The following FILIP1L variants were observed in gnomAD, a reference collection of about 807,000 sequenced individuals.
The protein encoded by FILIP1L is filamin A interacting protein 1 like.
Under a neutral mutation model 96.6 loss-of-function variants are expected in FILIP1L, and 55 were observed. The ratio of observed to expected loss-of-function variants is 0.57; its 90% CI spans 0.46 to 0.71. The LOEUF is 0.71. Among genes scored for constraint, FILIP1L ranks in the 30% least tolerant of loss-of-function variants. The probability of loss-of-function intolerance (pLI) is 0.00; values close to 1 mark genes in which losing one functional copy is unlikely to be tolerated. For missense variants in FILIP1L, 1,304 were observed against 1,321.2 expected, an observed-to-expected ratio of 0.99 and a Z score of 0.20; for synonymous variants, 467 against 473.9, an observed-to-expected ratio of 0.99 and a Z score of 0.19.
intron 1 of FILIP1L, among the ~76,000 whole-genome samples, chr3:99,972,997 G>C (rs1708866435): frequency 6.6e-6 from 1 of 152,180 alleles, no homozygotes; most frequent in Admixed American, 6.5e-5. Flanking sequence ...AAATAGGCCA[G>C]AGAATTTGGG....
chr3:99,940,263 G>A (rs914600847), intron 1 of FILIP1L, among the ~76,000 whole-genome samples: 5 of 152,166 alleles, frequency 3.3e-5, no homozygotes, highest in African/African-American at 1.2e-4. Context: ...GTCCAAGTTA[G>A]GTTTAAATGC....
At chr3:99,981,627 A>T (rs1198306697) in intron 1 of FILIP1L, among the ~76,000 whole-genome samples, 1 of 152,200 alleles carries the variant, frequency 6.6e-6, no homozygotes, top group African/African-American at 2.4e-5. Context: ...CCCGTTTTGC[A>T]AGTGGAAAAT....
chr3:99,961,810 G>T (rs1183110451), intron 1 of FILIP1L, among the ~76,000 whole-genome samples: 3 of 152,044 alleles, frequency 2.0e-5, no homozygotes, highest in Non-Finnish European at 4.4e-5. Flanking sequence ...AACATCTTTA[G>T]GTCTGCCAAC....
chr3:99,960,344 A>C (rs1047883665), intron 1 of FILIP1L, among the ~76,000 whole-genome samples: 10 of 152,182 alleles, frequency 6.6e-5, no homozygotes, highest in African/African-American at 2.2e-4. Flanking sequence ...CAAAAAGTTA[A>C]GTGGCAGAAC....
intron 1 of FILIP1L, among the ~76,000 whole-genome samples, chr3:100,063,381 T>C (rs1313764502): frequency 6.6e-6 from 1 of 152,214 alleles, no homozygotes; most frequent in African/African-American, 2.4e-5. Flanking sequence ...TTACTATATA[T>C]CTGAATTATT....
At position 99,977,903 on chromosome 3, in the gene FILIP1L, C is replaced by T. The variant is rs952960320; in HGVS notation, c.-10-46873G>A. 2.6e-5 allele frequency among the ~76,000 whole-genome samples: 4 copies of T among 152,026 alleles called. No individual in the cohort carries two copies. In the South Asian group the frequency reaches 6.2e-4, roughly 24 times the overall value. ...TCAAAGCACATAATATGCATATATA[C>T]ACCATTAACCTAAAAGAAAAAATTG... On this transcript the variant is annotated intron_variant, in intron 1 of 5. Transcript: ENST00000477258.
chr3:99,952,680 C>G (rs772738800), intron 1 of FILIP1L, among the ~76,000 whole-genome samples: 16 of 152,238 alleles, frequency 1.1e-4, no homozygotes, highest in Non-Finnish European at 2.1e-4. Flanking sequence ...TGAATTTCCT[C>G]TTTCTACCCT....
intron 1 of FILIP1L, among the ~76,000 whole-genome samples, chr3:100,054,539 T>TATGTTATGTTATGTC (rs1474837701): frequency 2.3e-4 from 29 of 125,782 alleles, no homozygotes; most frequent in South Asian, 1.3e-3. Flanking sequence ...TATGTTATGT[T>TATGTTATGTTATGTC]ATGTCATGTT....
Position 99,924,554 on chromosome 3 carries a change from C to T in FILIP1L, c.427-146G>A, listed in dbSNP as rs948407271. 32 of 799,864 alleles carry T rather than the reference C, an allele frequency of 4.0e-5. No individual in the cohort carries two copies. In the Admixed American group the frequency reaches 6.9e-4, roughly 17 times the overall value. The allele number at this position is 799,864 out of a possible 1,614,324, so 49.5% of individuals were successfully genotyped here. A position where few individuals can be genotyped will look rare whatever the true frequency, so the allele number is the denominator to read the frequency against. ...TTTGTTTTGAAACAGTTTTCGCTGTCGTTGCCCAGGCTGGAGTGCAATGGC... is the reference window on the plus strand; with the variant it reads ...TTTGTTTTGAAACAGTTTTCGCTGTTGTTGCCCAGGCTGGAGTGCAATGGC... On this transcript the variant is annotated intron_variant, in intron 3 of 5. Transcript: ENST00000477258.
chr3:100,071,651 G>C, intron 1 of FILIP1L, among the ~76,000 whole-genome samples: 1 of 152,116 alleles, frequency 6.6e-6, no homozygotes, highest in East Asian at 1.9e-4. Context: ...CTTTATCCTG[G>C]ACAGATCTTC....
At chr3:99,985,776 A>G (rs2107741274) in intron 1 of FILIP1L, among the ~76,000 whole-genome samples, 1 of 152,164 alleles carries the variant, frequency 6.6e-6, no homozygotes, top group East Asian at 1.9e-4. Flanking sequence ...TTTACTAGAG[A>G]TGGGGTTTCC....
At chr3:99,982,483 G>A (rs570594253) in intron 1 of FILIP1L, among the ~76,000 whole-genome samples, 1 of 152,136 alleles carries the variant, frequency 6.6e-6, no homozygotes, top group Admixed American at 6.5e-5. Context: ...TGGGACTACA[G>A]GCACATGCCA....
At chr3:99,885,104 A>G (rs977439142) in intron 4 of FILIP1L, among the ~76,000 whole-genome samples, 2 of 152,252 alleles carry the variant, frequency 1.3e-5, no homozygotes, top group African/African-American at 2.4e-5. Context: ...TTGACAAAAC[A>G]TAAGTTAAAA....
intron 4 of FILIP1L, among the ~76,000 whole-genome samples, chr3:99,910,316 T>A (rs1706750237): frequency 7.3e-6 from 1 of 136,682 alleles, no homozygotes. Flanking sequence ...AGAAAACTGG[T>A]TTGGGACACA....
intron 1 of FILIP1L, among the ~76,000 whole-genome samples, chr3:99,991,824 G>GTATA (rs1023477317): frequency 8.9e-5 from 7 of 78,946 alleles, no homozygotes; most frequent in African/African-American, 2.5e-4. Flanking sequence ...CATGGTGTGT[G>GTATA]TATATATATA....
intron 1 of FILIP1L, among the ~76,000 whole-genome samples, chr3:99,982,515 A>T (rs1709157757): frequency 6.6e-6 from 1 of 151,630 alleles, no homozygotes; most frequent in African/African-American, 2.4e-5. Context: ...TAATTTTTTT[A>T]TTTTTTTATA....
At chr3:100,091,131 A>G (rs1407446108) in intron 1 of FILIP1L, among the ~76,000 whole-genome samples, 5 of 151,934 alleles carry the variant, frequency 3.3e-5, no homozygotes, top group Non-Finnish European at 5.9e-5. Flanking sequence ...TAAAAATACA[A>G]AAACTTAGCT....
rs78817408 is a variant in FILIP1L at position 100,076,154 on chromosome 3, A to T, written c.-11+37899T>A. ...TATTTGTTAGTTATCTTGCCCGGAAAACCCTTAAAAATGTAAACAATAATT... is the reference window on the plus strand; with the variant it reads ...TATTTGTTAGTTATCTTGCCCGGAATACCCTTAAAAATGTAAACAATAATT... On this transcript the variant is annotated intron_variant, in intron 1 of 5. Transcript: ENST00000477258. 4.1e-3 allele frequency among the ~76,000 whole-genome samples: 618 copies of T among 152,340 alleles called. 7 individuals are homozygous for T. The highest frequency in any genetic ancestry group is 0.015 in the African/African-American group (605 of 41,576).
rs1943569193 is a variant in FILIP1L at position 99,849,788 on chromosome 3, G to C, written c.1888C>G (p.Gln630Glu). 2 of 1,613,416 alleles carry C rather than the reference G, an allele frequency of 1.2e-6. No individual in the cohort carries two copies. The highest frequency in any genetic ancestry group is 1.7e-6 in the Non-Finnish European group (2 of 1,179,968). ...TTCAGTTTCAGTCTTTCCACTTCTT[G>C]AGAGAGCTCCTTAATCTTATTGTTT... ...QENNKIKELS[Q>E]EVERLKLKLK... Residue 630 changes from glutamine to glutamate, a missense_variant, in exon 5 of 6, where the codon CAA becomes GAA. Coordinates refer to ENST00000477258, the MANE Select transcript of FILIP1L (RefSeq NM_001387850.1).
Sources: gnomAD v4.1 joint callset for allele counts (sites outside exome capture counted in the v4.1 genomes callset) on GRCh38, gnomAD v4.1.1 for gene constraint, MANE v1.5 for transcripts, NCBI Gene and HGNC (gene_info 2026-07-23, HGNC 2026-07-21) for gene names.